Variants in EYA4 observed in about 807,000 individuals in gnomAD.
EYA4 encodes the protein EYA transcriptional coactivator and phosphatase 4, also known as protein phosphatase EYA4.
A neutral mutation model predicts 87.9 loss-of-function variants in EYA4; 31 were observed. That is an observed-to-expected ratio of 0.35 (90% CI 0.27 to 0.48). The LOEUF (loss-of-function observed/expected upper bound fraction) is 0.48. EYA4 is among the 20% of genes least tolerant of loss of function. EYA4 has a pLI of 0.99. For synonymous variants in EYA4, 263 were observed against 270.6 expected, an observed-to-expected ratio of 0.97 and a Z score of 0.28; for missense variants, 678 against 761.4, an observed-to-expected ratio of 0.89 and a Z score of 1.29.
intron 2 of EYA4, among the ~76,000 whole-genome samples, chr6:133,328,908 TAAAC>T (rs1282914015): frequency 6.6e-6 from 1 of 152,160 alleles, no homozygotes; most frequent in Non-Finnish European, 1.5e-5. Context: ...GATATTAAGT[TAAAC>T]AAATCGAAAT....
intron 2 of EYA4, among the ~76,000 whole-genome samples, chr6:133,330,956 AT>A (rs1024040751): frequency 6.7e-6 from 1 of 148,826 alleles, no homozygotes; most frequent in Non-Finnish European, 1.5e-5. Context: ...CTTTGTGAGA[AT>A]TTTTATGTAA....
intron 2 of EYA4, among the ~76,000 whole-genome samples, chr6:133,284,583 T>C (rs1284510314): frequency 1.3e-5 from 2 of 152,218 alleles, no homozygotes; most frequent in Non-Finnish European, 2.9e-5. Context: ...CTTGCTATCC[T>C]CTAGAAACTT....
intron 2 of EYA4, among the ~76,000 whole-genome samples, chr6:133,369,291 T>C (rs1461524051): frequency 6.6e-6 from 1 of 152,170 alleles, no homozygotes; most frequent in Non-Finnish European, 1.5e-5. Context: ...TTAAGATTAC[T>C]CACATTATCC....
chr6:133,524,655 T>C (rs915078214), intron 18 of EYA4, among the ~76,000 whole-genome samples: 1 of 152,196 alleles, frequency 6.6e-6, no homozygotes, highest in African/African-American at 2.4e-5. Flanking sequence ...AGTTTTTCTC[T>C]AGAACACATT....
rs182867482 is a variant in EYA4, at chr6:133,478,628, T to G, written c.971-2835T>G. ...GGGGTGAATAAATGTAGAGTTACCC[T>G]TCATAGTTTTCTAAAAAGGCTGTCT... On this transcript the variant is annotated intron_variant, in intron 11 of 19. Transcript: ENST00000355286. Among the ~76,000 whole-genome samples, 248 of 152,288 alleles carry G rather than the reference T, an allele frequency of 1.6e-3. 1 individual carries two copies. The highest frequency in any genetic ancestry group is 3.9e-3 in the South Asian group (19 of 4,828).
intron 6 of EYA4, among the ~76,000 whole-genome samples, chr6:133,459,611 G>A (rs201773678): frequency 2.6e-5 from 4 of 152,148 alleles, no homozygotes; most frequent in African/African-American, 7.2e-5. Flanking sequence ...ATTGTTAATC[G>A]ATAAATTAGA....
At chr6:133,478,605 G>A (rs1795945814) in intron 11 of EYA4, among the ~76,000 whole-genome samples, 1 of 152,020 alleles carries the variant, frequency 6.6e-6, no homozygotes, top group Non-Finnish European at 1.5e-5. Context: ...TGTACTAAGG[G>A]GTGAATAAAT....
intron 1 of EYA4, among the ~76,000 whole-genome samples, chr6:133,261,057 A>G (rs1235258863): frequency 6.6e-6 from 1 of 152,182 alleles, no homozygotes; most frequent in Non-Finnish European, 1.5e-5. Flanking sequence ...AGTTATATTC[A>G]TATAGTTCCT....
chr6:133,313,374 GTATC>G (rs1780382572), intron 2 of EYA4, among the ~76,000 whole-genome samples: 1 of 152,168 alleles, frequency 6.6e-6, no homozygotes, highest in Non-Finnish European at 1.5e-5. Context: ...TGGAGATTGA[GTATC>G]TAGCCACATG....
At chr6:133,380,456 AGTTAAATGATAGGAAGCTT>A (rs1786089319) in intron 2 of EYA4, among the ~76,000 whole-genome samples, 1 of 152,162 alleles carries the variant, frequency 6.6e-6, no homozygotes, top group Non-Finnish European at 1.5e-5. Flanking sequence ...GACTAAAAAA[AGTTAAATGATAGGAAGCTT>A]GTCTGTCTCT....
chr6:133,483,221 T>A, intron 13 of EYA4, 106 bp downstream of exon 13: 1 of 775,416 alleles, frequency 1.3e-6, no homozygotes, highest in Non-Finnish European at 2.2e-6. Context: ...TTTATTGCAG[T>A]CTGTGAAATC....
intron 2 of EYA4, among the ~76,000 whole-genome samples, chr6:133,312,024 AG>A (rs1341157114): frequency 6.6e-6 from 1 of 152,178 alleles, no homozygotes; most frequent in African/African-American, 2.4e-5. Flanking sequence ...TTATGAAAGC[AG>A]GTAACAGTGA....
chr6:133,419,573 A>T (rs1181785433), intron 3 of EYA4, among the ~76,000 whole-genome samples: 1 of 152,218 alleles, frequency 6.6e-6, no homozygotes, highest in African/African-American at 2.4e-5. Context: ...AGTTAATGAG[A>T]TAATTTTATC....
In EYA4 at chr6:133,450,080, G is replaced by C. The variant is rs1213785543; in HGVS notation, c.277+1901G>C. Reference sequence around the variant, plus strand: ...CGCTCACTGCAAGCTCCGCCTCCCGGGTTCATGCCATTCTCCTGCCTCAGC... The same window carrying C: ...CGCTCACTGCAAGCTCCGCCTCCCGCGTTCATGCCATTCTCCTGCCTCAGC... On this transcript the variant is annotated intron_variant, in intron 5 of 19. Transcript: ENST00000355286. Among the ~76,000 whole-genome samples the C allele has an allele frequency of 2.0e-5, 3 of 152,156 alleles. No homozygotes were observed. In the East Asian group the frequency reaches 5.8e-4, roughly 30 times the overall value.
At chr6:133,394,284 G>GTTTTTTTTTTGTTT (rs1787576532) in intron 3 of EYA4, among the ~76,000 whole-genome samples, 2 of 17,872 alleles carry the variant, frequency 1.1e-4, no homozygotes, top group African/African-American at 3.0e-4. Flanking sequence ...ATAAGCTTGT[G>GTTTTTTTTTTGTTT]TTTTTTTTTT....
chr6:133,368,121 C>A (rs576955829), intron 2 of EYA4, among the ~76,000 whole-genome samples: 1 of 152,244 alleles, frequency 6.6e-6, no homozygotes, highest in Admixed American at 6.5e-5. Context: ...TTCTCTGTTT[C>A]TAGGAACACT....
At chr6:133,328,995 C>CT (rs1188708133) in intron 2 of EYA4, among the ~76,000 whole-genome samples, 1 of 152,040 alleles carries the variant, frequency 6.6e-6, no homozygotes, top group African/African-American at 2.4e-5. Context: ...TTCTGTGTAT[C>CT]TTTTTTAATT....
intron 2 of EYA4, among the ~76,000 whole-genome samples, chr6:133,322,978 G>A (rs1486402494): frequency 6.6e-6 from 1 of 151,936 alleles, no homozygotes; most frequent in African/African-American, 2.4e-5. Context: ...GAAAGCCCAT[G>A]ATTTTAGTGA....
At chr6:133,365,241 T>C (rs921184787) in intron 2 of EYA4, among the ~76,000 whole-genome samples, 10 of 152,194 alleles carry the variant, frequency 6.6e-5, no homozygotes, top group African/African-American at 2.4e-4. Flanking sequence ...GTCTTCTTCC[T>C]GTATTCACGA....
Sources: gnomAD v4.1 joint callset for allele counts (sites outside exome capture counted in the v4.1 genomes callset) on GRCh38, gnomAD v4.1.1 for gene constraint, MANE v1.5 for transcripts, NCBI Gene and HGNC (gene_info 2026-07-23, HGNC 2026-07-21) for gene names.